Variants in SASH1 observed in about 807,000 individuals in gnomAD.
The protein encoded by SASH1 is SAM and SH3 domain-containing protein 1.
Under a neutral mutation model 125.2 loss-of-function variants are expected in SASH1, and 44 were observed. The observed-to-expected ratio is 0.35, with a 90% CI of 0.28 to 0.45. The LOEUF is 0.45. Ranked by LOEUF, SASH1 falls within the 20% of genes least tolerant of loss-of-function variation. SASH1 has a pLI of 1.00. For missense variants in SASH1, 1,426 were observed against 1,614.5 expected (o/e 0.88, Z 2.00); for synonymous variants, 639 against 649.1 (o/e 0.98, Z 0.24).
intron 1 of SASH1, among the ~76,000 whole-genome samples, chr6:148,288,325 C>T (rs1480587903): frequency 6.6e-6 from 1 of 152,198 alleles, no homozygotes; most frequent in Non-Finnish European, 1.5e-5. Context: ...AGAGGCATCA[C>T]GGGAATCAGC....
chr6:148,546,309 A>G (rs537764533), intron 19 of SASH1, among the ~76,000 whole-genome samples, 163 bp downstream of exon 19: 4 of 152,296 alleles, frequency 2.6e-5, no homozygotes, highest in Admixed American at 2.6e-4. Flanking sequence ...GTTTAAAAAT[A>G]CACTTTCAGA....
the SASH1 span, among the ~76,000 whole-genome samples, chr6:148,264,794 C>T: frequency 6.6e-6 from 1 of 152,250 alleles, no homozygotes; most frequent in Non-Finnish European, 1.5e-5. Context: ...GCTCCATCAC[C>T]TCTCCTAACA....
At chr6:148,492,381 C>T (rs2115230812) in intron 8 of SASH1, among the ~76,000 whole-genome samples, 1 of 152,250 alleles carries the variant, frequency 6.6e-6, no homozygotes, top group East Asian at 1.9e-4. Context: ...TCATTCTCTT[C>T]AGCATTTCTT....
chr6:148,407,757 C>T (rs928891267), intron 2 of SASH1, among the ~76,000 whole-genome samples: 8 of 152,166 alleles, frequency 5.3e-5, no homozygotes, highest in Admixed American at 3.9e-4. Context: ...CTCAGCCTCC[C>T]GAGTAGCTGG....
rs1009569546 is a variant in SASH1 at position 148,482,984 on chromosome 6, T to G, written c.628-4630T>G. On this transcript the variant is annotated intron_variant, in intron 7 of 19. Coordinates refer to ENST00000367467, the MANE Select transcript of SASH1 (RefSeq NM_015278.5). The stretch of plus-strand genomic sequence containing the variant: ...GATTACAGGCGTGAGCCACCGTGCC[T>G]GGTTCAAACTTTTCTTAATTCAGGT... 2.0e-5 allele frequency among the ~76,000 whole-genome samples: 3 copies of G among 152,242 alleles called. No individual in the cohort carries two copies. The East Asian group carries it at 5.8e-4, about 29-fold the overall frequency.
chr6:148,453,449 C>T (rs1044624450), intron 4 of SASH1, among the ~76,000 whole-genome samples: 1 of 152,126 alleles, frequency 6.6e-6, no homozygotes, highest in Non-Finnish European at 1.5e-5. Flanking sequence ...ATCTATAATG[C>T]AGATGGTATT....
intron 2 of SASH1, among the ~76,000 whole-genome samples, chr6:148,438,198 G>C (rs1776375370): frequency 6.6e-6 from 1 of 152,126 alleles, no homozygotes; most frequent in Admixed American, 6.5e-5. Flanking sequence ...TGAGTTCTCT[G>C]TACCAACTCC....
At chr6:148,260,314 G>T in the SASH1 span, among the ~76,000 whole-genome samples, 3 of 152,028 alleles carry the variant, frequency 2.0e-5, no homozygotes, top group Non-Finnish European at 4.4e-5. Context: ...TTTAAATCAA[G>T]ATTATTTTTA....
chr6:148,210,049 T>A, the SASH1 span, among the ~76,000 whole-genome samples: 1 of 152,144 alleles, frequency 6.6e-6, no homozygotes. Context: ...CTTGACCACA[T>A]ATTGAAATTA....
At position 148,534,999 on chromosome 6, in the gene SASH1, T is replaced by C. The variant is rs2115416866; in HGVS notation, c.2095+98T>C. The C allele has an allele frequency of 7.3e-6, 9 of 1,238,214 alleles. 1 individual carries two copies. The South Asian group carries it at 1.1e-4, about 15-fold the overall frequency. 76.7% of individuals were successfully genotyped at this position (1,238,214 alleles called of 1,614,324 possible). ...GTGCTTAGGTCCCTGGAGTCACTTA[T>C]TCTGTCCTGTTCTTTCTGTTACAAG... On this transcript the variant is annotated intron_variant, in intron 16 of 19. Transcript: ENST00000367467.
chr6:148,268,695 T>C (rs1778995335), upstream of SASH1, among the ~76,000 whole-genome samples: 2 of 152,244 alleles, frequency 1.3e-5, no homozygotes, highest in African/African-American at 4.8e-5. Context: ...TATTTTCTCC[T>C]TTCTATTTCT....
chr6:148,196,891 T>C, the SASH1 span, among the ~76,000 whole-genome samples: 9,796 of 134,398 alleles, frequency 0.073, 431 homozygotes, highest in Non-Finnish European at 0.095. Context: ...AGGAGAGGGA[T>C]AGGCATCCAG....
intron 1 of SASH1, among the ~76,000 whole-genome samples, chr6:148,364,268 C>T (rs1019982842): frequency 6.6e-6 from 1 of 152,062 alleles, no homozygotes; most frequent in Admixed American, 6.6e-5. Context: ...AAAGTTTTCA[C>T]GTTGAGATCG....
chr6:148,514,506 A>C (rs7739956), intron 9 of SASH1, 50 bp downstream of exon 9: 5 of 1,353,706 alleles, frequency 3.7e-6, no homozygotes. Flanking sequence ...CACCCTGGTT[A>C]TTCCAAAAGA....
At chr6:148,465,101 G>T (rs1226382790) in intron 4 of SASH1, among the ~76,000 whole-genome samples, 1 of 152,214 alleles carries the variant, frequency 6.6e-6, no homozygotes, top group Non-Finnish European at 1.5e-5. Context: ...TGCTAATGGT[G>T]TAGCAGTGGG....
At chr6:148,250,651 C>T in the SASH1 span, among the ~76,000 whole-genome samples, 10,263 of 150,114 alleles carry the variant, frequency 0.068, 369 homozygotes, top group Middle Eastern at 0.12. Flanking sequence ...TGTAATTGAA[C>T]ATTCCTGTTG....
chr6:148,299,903 G>A (rs1779894024), intron 1 of SASH1, among the ~76,000 whole-genome samples: 1 of 152,088 alleles, frequency 6.6e-6, no homozygotes, highest in Admixed American at 6.6e-5. Flanking sequence ...CAAATAATTT[G>A]GTGGAGATTT....
chr6:148,425,709 C>T (rs1228669004), intron 2 of SASH1, among the ~76,000 whole-genome samples: 2 of 106,040 alleles, frequency 1.9e-5, no homozygotes, highest in African/African-American at 6.5e-5. Context: ...CTTCTCCCCT[C>T]CCATCCCCCT....
At chr6:148,209,727 G>T in the SASH1 span, among the ~76,000 whole-genome samples, 2 of 152,100 alleles carry the variant, frequency 1.3e-5, no homozygotes, top group Non-Finnish European at 2.9e-5. Context: ...ATGGTGAAGG[G>T]CTCCTCAACC....
Sources: gnomAD v4.1 joint callset for allele counts (sites outside exome capture counted in the v4.1 genomes callset) on GRCh38, gnomAD v4.1.1 for gene constraint, MANE v1.5 for transcripts, NCBI Gene and HGNC (gene_info 2026-07-23, HGNC 2026-07-21) for gene names.